Variants in FAM83B observed in about 807,000 individuals in gnomAD.
FAM83B encodes protein FAM83B.
In FAM83B, 26 loss-of-function variants were observed where a neutral mutation model predicts 38.8. The observed-to-expected ratio is 0.67, with a 90% CI of 0.49 to 0.93. The LOEUF is 0.93. Among genes scored for constraint, FAM83B ranks in the 40% least tolerant of loss-of-function variants. The pLI, the probability that FAM83B is intolerant of heterozygous loss-of-function variation, is 0.00. For synonymous variants in FAM83B, 419 were observed against 423.1 expected (o/e 0.99, Z 0.12); for missense variants, 1,237 against 1,197.3 (o/e 1.03, Z -0.49).
At position 54,940,901 on chromosome 6, in the gene FAM83B, G is replaced by A. The variant is rs1198425710; in HGVS notation, c.1930G>A (p.Val644Ile). ...SNNYIYKTLG[V>I]NKQTENLKNQ... ...TAACTATATATATAAAACCTTGGGT[G>A]TAAATAAGCAGACAGAAAATCTAAA... The change falls in exon 5 of 5, where the codon GTA (valine) becomes ATA (isoleucine). Residue 644 changes from valine (V) to isoleucine (I), a missense_variant. By Grantham distance (29) the Val-to-Ile change is conservative. Coordinates refer to ENST00000306858, the MANE Select transcript of FAM83B (RefSeq NM_001010872.3). 2 of 1,613,504 alleles carry A rather than the reference G, an allele frequency of 1.2e-6. No homozygotes were observed. Among genetic ancestry groups the A allele is most frequent in the South Asian group, 1.1e-5 (1 of 90,948 alleles).
In FAM83B at chr6:54,944,832, A is replaced by C. The variant is rs1773768086; in HGVS notation, c.*2825A>C. 6.6e-6 allele frequency: 1 copy of C among 152,158 alleles called. No individual in the cohort carries two copies. Among genetic ancestry groups the C allele is most frequent in the Non-Finnish European group, 1.5e-5 (1 of 68,026 alleles). The allele number at this position is 152,158 out of a possible 1,614,324, so 9.4% of individuals were successfully genotyped here. A position where few individuals can be genotyped will look rare whatever the true frequency, so the allele number is the denominator to read the frequency against. ...AATAACTTTATCATGATATTCAGGT[A>C]GATCCTGGGTTCTAGAATATTTAAA... On this transcript the variant is annotated 3_prime_UTR_variant, in exon 5 of 5. Transcript: ENST00000306858.
intron 2 of FAM83B, among the ~76,000 whole-genome samples, chr6:54,910,827 A>G (rs1179022149): frequency 6.6e-6 from 1 of 152,142 alleles, no homozygotes; most frequent in Non-Finnish European, 1.5e-5. Context: ...CAGATTTATG[A>G]CTGGTCTTTC....
At position 54,870,361 on chromosome 6, in the gene FAM83B, G is replaced by A. The variant is rs773921453; in HGVS notation, c.115G>A (p.Gly39Arg). ...RVAIDILIEH[G>R]LEAYQEFLVQ... The stretch of plus-strand genomic sequence containing the variant: ...AGCCATTGATATTCTGATTGAACAC[G>A]GGTTAGAAGCATACCAAGAATTTCT... Residue 39 changes from glycine (G) to arginine (R), a missense_variant, in exon 2 of 5, where the codon GGG (glycine) becomes AGG (arginine). By Grantham distance (125) the Gly-to-Arg change is moderately radical. Coordinates refer to ENST00000306858, the MANE Select transcript of FAM83B (RefSeq NM_001010872.3). The A allele has an allele frequency of 4.3e-6, 7 of 1,613,980 alleles. No homozygotes were observed. The highest frequency in any genetic ancestry group is 3.3e-5 in the South Asian group (3 of 91,074).
At chr6:54,910,577 T>C (rs1772883174) in intron 2 of FAM83B, among the ~76,000 whole-genome samples, 1 of 152,152 alleles carries the variant, frequency 6.6e-6, no homozygotes, top group Non-Finnish European at 1.5e-5. Context: ...AGAGTTCACT[T>C]TCCGTTTGCT....
At chr6:54,904,587 G>T (rs576107357) in intron 2 of FAM83B, among the ~76,000 whole-genome samples, 3 of 152,264 alleles carry the variant, frequency 2.0e-5, no homozygotes, top group African/African-American at 7.2e-5. Flanking sequence ...TATGGATATG[G>T]CTTCACCTCT....
intron 2 of FAM83B, among the ~76,000 whole-genome samples, chr6:54,893,802 A>G (rs1424630968): frequency 6.6e-6 from 1 of 152,156 alleles, no homozygotes; most frequent in Non-Finnish European, 1.5e-5. Context: ...TCCTTTGATA[A>G]TATTTATATG....
chr6:54,933,895 G>A (rs2127590244), intron 4 of FAM83B, among the ~76,000 whole-genome samples: 1 of 152,190 alleles, frequency 6.6e-6, no homozygotes, highest in Non-Finnish European at 1.5e-5. Context: ...CCTGAGGGAG[G>A]ACCCCCAGTC....
chr6:54,846,918 C>T (rs999121098), intron 1 of FAM83B, 92 bp downstream of exon 1: 1 of 146,492 alleles, frequency 6.8e-6, no homozygotes, highest in Non-Finnish European at 1.5e-5. Flanking sequence ...TGGGGGGGCC[C>T]GGGGCTTCAC....
At chr6:54,849,224 A>G (rs1771209230) in intron 1 of FAM83B, among the ~76,000 whole-genome samples, 1 of 152,210 alleles carries the variant, frequency 6.6e-6, no homozygotes, top group Admixed American at 6.5e-5. Flanking sequence ...AGCCAACAAC[A>G]TTTCTCTGAG....
chr6:54,888,187 T>C (rs966564649), intron 2 of FAM83B, among the ~76,000 whole-genome samples: 24 of 152,054 alleles, frequency 1.6e-4, no homozygotes, highest in African/African-American at 5.8e-4. Flanking sequence ...ACAAGGACCT[T>C]TGAACACTTT....
At position 54,941,258 on chromosome 6, in the gene FAM83B, G is replaced by A. The variant is rs372533459; in HGVS notation, c.2287G>A (p.Gly763Ser). The change falls in exon 5 of 5, where the codon GGT becomes AGT. Residue 763 changes from glycine to serine, a missense_variant. Physicochemically the swap from Gly to Ser is moderately conservative, Grantham distance 56. Coordinates refer to ENST00000306858, the MANE Select transcript of FAM83B (RefSeq NM_001010872.3). Reference sequence around the variant, plus strand: ...ACTTGCTTCAAAGAAGGAAGTTAAGGGTTCCCCAAGTTTTTTGAAAAAGGG... The same window carrying A: ...ACTTGCTTCAAAGAAGGAAGTTAAGAGTTCCCCAAGTTTTTTGAAAAAGGG... Reference protein sequence around the residue: ...KELASKKEVKGSPSFLKKGSQ... With the variant: ...KELASKKEVKSSPSFLKKGSQ... 4 of 1,611,972 alleles carry A rather than the reference G, an allele frequency of 2.5e-6. No homozygotes were observed. Among genetic ancestry groups the A allele is most frequent in the East Asian group, 4.5e-5 (2 of 44,852 alleles).
chr6:54,872,206 G>T (rs1294481975), intron 2 of FAM83B, among the ~76,000 whole-genome samples: 4 of 152,026 alleles, frequency 2.6e-5, no homozygotes, highest in Non-Finnish European at 5.9e-5. Context: ...ATAGAATCAG[G>T]CTCACTGTAA....
chr6:54,886,778 C>G (rs1162749416), intron 2 of FAM83B, among the ~76,000 whole-genome samples: 1 of 151,124 alleles, frequency 6.6e-6, no homozygotes, highest in African/African-American at 2.4e-5. Context: ...ATTATTTTTC[C>G]AGGATTCTTG....
intron 2 of FAM83B, among the ~76,000 whole-genome samples, chr6:54,923,924 T>C (rs1375769309): frequency 6.6e-6 from 1 of 151,834 alleles, no homozygotes; most frequent in African/African-American, 2.4e-5. Context: ...CTAAAAGATA[T>C]TGTTCCAGAA....
At chr6:54,875,036 A>C (rs1370799237) in intron 2 of FAM83B, among the ~76,000 whole-genome samples, 2 of 152,166 alleles carry the variant, frequency 1.3e-5, no homozygotes, top group African/African-American at 4.8e-5. Context: ...ATAAAAGTAG[A>C]ACTAGAATAG....
At chr6:54,871,626 C>G (rs1413509078) in intron 2 of FAM83B, among the ~76,000 whole-genome samples, 1 of 145,772 alleles carries the variant, frequency 6.9e-6, no homozygotes, top group Non-Finnish European at 1.5e-5. Context: ...GCTTATAGTC[C>G]CAGCTAGTCA....
chr6:54,851,721 C>T (rs1376002043), intron 1 of FAM83B, among the ~76,000 whole-genome samples: 2 of 140,698 alleles, frequency 1.4e-5, no homozygotes, highest in African/African-American at 5.5e-5. Context: ...GATCTGGGCT[C>T]ACTGCAAGCT....
intron 2 of FAM83B, among the ~76,000 whole-genome samples, chr6:54,900,388 C>CT (rs1772635180): frequency 1.3e-5 from 2 of 152,176 alleles, no homozygotes; most frequent in Non-Finnish European, 2.9e-5. Context: ...GTAATGTGAG[C>CT]TTTTGCCTGA....
intron 2 of FAM83B, among the ~76,000 whole-genome samples, chr6:54,919,748 T>C (rs1309855281): frequency 6.6e-6 from 1 of 152,048 alleles, no homozygotes; most frequent in Non-Finnish European, 1.5e-5. Context: ...TGAAACCCTG[T>C]AATACTCTTT....
Sources: gnomAD v4.1 joint callset for allele counts (sites outside exome capture counted in the v4.1 genomes callset) on GRCh38, gnomAD v4.1.1 for gene constraint, MANE v1.5 for transcripts, NCBI Gene and HGNC (gene_info 2026-07-23, HGNC 2026-07-21) for gene names.